The following DOCK10 variants were observed in gnomAD, a reference collection of about 807,000 sequenced individuals.
DOCK10 encodes dedicator of cytokinesis protein 10.
DOCK10 carries 145 observed loss-of-function variants against 280.1 expected under a neutral mutation model. That is an observed-to-expected ratio of 0.52 (90% CI 0.45 to 0.59). DOCK10 has a LOEUF of 0.59. Among genes scored for constraint, DOCK10 ranks in the 20% least tolerant of loss-of-function variants. The probability of loss-of-function intolerance (pLI) is 0.00; values close to 1 mark genes in which losing one functional copy is unlikely to be tolerated. For synonymous variants in DOCK10, 915 were observed against 942.2 expected (o/e 0.97, Z 0.53); for missense variants, 2,368 against 2,651.7 (o/e 0.89, Z 2.35).
At chr2:224,984,842 T>A (rs941376632) in intron 1 of DOCK10, among the ~76,000 whole-genome samples, 3 of 3,376 alleles carry the variant, frequency 8.9e-4, no homozygotes, top group African/African-American at 9.9e-4. Flanking sequence ...ACAGGAAACT[T>A]TTTTTTTTTT....
At chr2:224,959,327 A>T (rs533858301) in intron 1 of DOCK10, among the ~76,000 whole-genome samples, 3 of 152,264 alleles carry the variant, frequency 2.0e-5, no homozygotes, top group South Asian at 2.1e-4. Context: ...AGCTTTTTTT[A>T]AAAAAACTCT....
At chr2:224,844,382 G>A (rs774942301) in intron 22 of DOCK10, among the ~76,000 whole-genome samples, 13 of 152,072 alleles carry the variant, frequency 8.5e-5, no homozygotes, top group Non-Finnish European at 1.6e-4. Flanking sequence ...TGCCCGCCTC[G>A]GCCTCCCAAA....
intron 2 of DOCK10, among the ~76,000 whole-genome samples, chr2:224,918,427 C>T (rs542091652): frequency 1.2e-4 from 17 of 141,792 alleles, no homozygotes; most frequent in African/African-American, 2.8e-4. Flanking sequence ...CATTTGAGTG[C>T]GTGTGTTCGT....
intron 7 of DOCK10, among the ~76,000 whole-genome samples, chr2:224,876,593 G>A (rs1279578458): frequency 6.6e-6 from 1 of 152,046 alleles, no homozygotes; most frequent in Admixed American, 6.6e-5. Context: ...TGACCCTATC[G>A]CATCCCAGAG....
At chr2:224,824,936 T>G (rs1694741511) in intron 27 of DOCK10, among the ~76,000 whole-genome samples, 1 of 151,830 alleles carries the variant, frequency 6.6e-6, no homozygotes. Context: ...AGATATTTAA[T>G]GGAATTTAAC....
intron 7 of DOCK10, among the ~76,000 whole-genome samples, chr2:224,877,771 A>G (rs1698731136): frequency 1.3e-5 from 2 of 152,222 alleles, no homozygotes; most frequent in Non-Finnish European, 2.9e-5. Flanking sequence ...ACAATTTTAT[A>G]TATTCCTGGT....
At chr2:224,950,179 T>G (rs1023349286) in intron 1 of DOCK10, among the ~76,000 whole-genome samples, 4 of 152,210 alleles carry the variant, frequency 2.6e-5, no homozygotes, top group African/African-American at 9.7e-5. Flanking sequence ...AGAGATGGTT[T>G]GCATTAATCT....
chr2:224,878,668 A>G (rs1698787073), intron 7 of DOCK10, among the ~76,000 whole-genome samples: 1 of 152,256 alleles, frequency 6.6e-6, no homozygotes, highest in Admixed American at 6.5e-5. Flanking sequence ...AATTGGCTAA[A>G]ATGCTAACTA....
chr2:224,863,531 C>G (rs1445921301), intron 13 of DOCK10, among the ~76,000 whole-genome samples: 1 of 152,164 alleles, frequency 6.6e-6, no homozygotes, highest in East Asian at 1.9e-4. Context: ...TGGCTCACTG[C>G]AAGCTCCGCC....
intron 31 of DOCK10, among the ~76,000 whole-genome samples, chr2:224,812,535 T>C (rs1176173290): frequency 6.6e-6 from 1 of 151,982 alleles, no homozygotes; most frequent in Non-Finnish European, 1.5e-5. Flanking sequence ...TGAATAGGAG[T>C]GGTGAGGGAG....
At position 224,840,172 on chromosome 2, in the gene DOCK10, AG is replaced by A. The variant is rs1284665659; in HGVS notation, c.2662-101del. The A allele has an allele frequency of 1.0e-5, 6 of 598,498 alleles. No individual in the cohort carries two copies. In the Admixed American group the frequency reaches 1.2e-4, roughly 12 times the overall value. 37.1% of individuals were successfully genotyped at this position (598,498 alleles called of 1,614,324 possible). ...AAATCTATGAGAAGAAAACATAAGG[AG>A]AAAAACTTCGTGACATTAGACTGGG... On this transcript the variant is annotated intron_variant, in intron 23 of 55. Transcript: ENST00000258390.
At position 224,953,918 on chromosome 2, in the gene DOCK10, C is replaced by T. The variant is rs563314968; in HGVS notation, c.124-22250G>A. On this transcript the variant is annotated intron_variant, in intron 1 of 55. Transcript: ENST00000258390. ...GTGGGTGTGTGGTGCATGTGGGAGT[C>T]TGTGTGTGCAGAGTGTGTGTGTGTG... Among the ~76,000 whole-genome samples the T allele has an allele frequency of 7.9e-5, 11 of 139,310 alleles. No homozygotes were observed. In the East Asian group the frequency reaches 2.0e-3, roughly 26 times the overall value. 91.4% of individuals were successfully genotyped at this position (139,310 alleles called of 152,430 possible).
chr2:224,770,638 G>C lies in DOCK10; in HGVS notation c.6212C>G (p.Ala2071Gly). 6.2e-7 allele frequency: 1 copy of C among 1,612,788 alleles called. No homozygotes were observed. The highest frequency in any genetic ancestry group is 8.5e-7 in the Non-Finnish European group (1 of 1,178,806). ...AGCTCGTGCATAGGCCATTGGCCCA[G>C]CATTAACCTGTTGAGAAGAAAATTG... Reference protein sequence around the residue: ...LQGSVSVKVNAGPMAYARAFL... With the variant: ...LQGSVSVKVNGGPMAYARAFL... Residue 2071 changes from alanine (A) to glycine (G), a missense_variant, in exon 54 of 56, where the codon GCT becomes GGT. By Grantham distance (60) the Ala-to-Gly change is moderately conservative. Around this residue, in one of 2 missense-constraint regions of DOCK10, gnomAD observed 1,159 missense variants for 1,400.8 expected, o/e 0.83. Transcript: ENST00000258390. The surrounding 1 kb of genome is among the most constrained non-coding windows in gnomAD (Gnocchi z 4.5).
intron 3 of DOCK10, among the ~76,000 whole-genome samples, chr2:224,900,003 A>C (rs1414469372): frequency 1.3e-5 from 2 of 152,184 alleles, no homozygotes; most frequent in Admixed American, 1.3e-4. Flanking sequence ...GGCATTCACA[A>C]TATTGGACTG....
At chr2:224,875,735 G>GC (rs527362703) in intron 8 of DOCK10, among the ~76,000 whole-genome samples, 5 of 152,130 alleles carry the variant, frequency 3.3e-5, no homozygotes, top group Non-Finnish European at 5.9e-5. Flanking sequence ...ACCACAAAAT[G>GC]CCCCCTATAA....
intron 1 of DOCK10, among the ~76,000 whole-genome samples, chr2:225,016,422 A>G (rs1689591574): frequency 6.6e-6 from 1 of 151,670 alleles, no homozygotes; most frequent in Admixed American, 6.6e-5. Context: ...GAAGGCAAGT[A>G]TCTTATTAAA....
chr2:224,880,141 A>G (rs917750313), intron 7 of DOCK10, among the ~76,000 whole-genome samples: 3 of 152,262 alleles, frequency 2.0e-5, no homozygotes, highest in African/African-American at 7.2e-5. Flanking sequence ...TGAATTAAAT[A>G]TGATTGCCGG....
intron 7 of DOCK10, among the ~76,000 whole-genome samples, chr2:224,884,546 C>T (rs951606313): frequency 2.0e-5 from 3 of 152,170 alleles, no homozygotes; most frequent in Admixed American, 6.5e-5. Flanking sequence ...AGCAGCGATT[C>T]GAAAGCCAAA....
intron 55 of DOCK10, among the ~76,000 whole-genome samples, chr2:224,768,698 G>A (rs547287320): frequency 1.3e-5 from 2 of 152,100 alleles, no homozygotes; most frequent in Admixed American, 1.3e-4. Flanking sequence ...AAATCATGAG[G>A]CTTTTCCCCC....
Sources: allele counts gnomAD v4.1 joint callset (sites outside exome capture counted in the v4.1 genomes callset), GRCh38; gene constraint gnomAD v4.1.1; regional missense constraint gnomAD v4.1.1; non-coding constraint Gnocchi (gnomAD v3.1); transcripts MANE v1.5; gene names NCBI Gene and HGNC (gene_info 2026-07-23, HGNC 2026-07-21).